Variants in RABEPK observed in about 807,000 individuals in gnomAD.
RABEPK encodes the protein 40 kDa Rab9 effector protein.
Under a neutral mutation model 34.1 loss-of-function variants are expected in RABEPK, and 27 were observed. The observed-to-expected ratio is 0.79, with a 90% confidence interval of 0.58 to 1.09. The LOEUF (loss-of-function observed/expected upper bound fraction) is 1.09. RABEPK is among the 50% of genes least tolerant of loss of function. RABEPK has a pLI of 0.00. For missense variants in RABEPK, 449 were observed against 462.6 expected, an observed-to-expected ratio of 0.97 and a Z score of 0.27; for synonymous variants, 172 against 169.2, an observed-to-expected ratio of 1.02 and a Z score of -0.13.
In RABEPK at chr9:125,227,947, T is replaced by A; in HGVS notation, c.564T>A (p.Asn188Lys). 1 of 1,607,512 alleles carries A rather than the reference T, an allele frequency of 6.2e-7. No homozygotes were observed. The highest frequency in any genetic ancestry group is 8.5e-7 in the Non-Finnish European group (1 of 1,176,412). ...LTWSQPETLG[N>K]PPSPRHGHVM... Reference sequence around the variant, plus strand: ...GGTCACAGCCAGAGACACTTGGAAATCCTCCATCTCCCCGGCATGGTCATG... The same window carrying A: ...GGTCACAGCCAGAGACACTTGGAAAACCTCCATCTCCCCGGCATGGTCATG... Residue 188 changes from asparagine (N) to lysine (K), a missense_variant, in exon 6 of 8, where the codon AAT (asparagine) becomes AAA (lysine). Coordinates refer to ENST00000373538, the MANE Select transcript of RABEPK (RefSeq NM_005833.4).
chr9:125,228,100 T>C (rs1831897743), intron 6 of RABEPK, 41 bp downstream of exon 6: 5 of 1,319,902 alleles, frequency 3.8e-6, no homozygotes, highest in Non-Finnish European at 3.9e-6. Context: ...AAATTGTTAT[T>C]TTTATTTATT....
At chr9:125,220,473 C>T (rs1831245302) in intron 4 of RABEPK, 66 bp from the exon 5 acceptor site, 1 of 1,538,148 alleles carries the variant, frequency 6.5e-7, no homozygotes. Context: ...TTCACTCAGC[C>T]CCAGAGTCAA....
chr9:125,203,104 T>G, intron 2 of RABEPK, 38 bp downstream of exon 2: 1 of 1,571,782 alleles, frequency 6.4e-7, no homozygotes, highest in Non-Finnish European at 8.7e-7. Flanking sequence ...AAAGCATGAG[T>G]TTTTGTTTCA....
At chr9:125,211,982 AT>A (rs1332811137) in intron 3 of RABEPK, among the ~76,000 whole-genome samples, 1 of 152,112 alleles carries the variant, frequency 6.6e-6, no homozygotes, top group Non-Finnish European at 1.5e-5. Flanking sequence ...AAAAAAAAAA[AT>A]TCAAAGGTAA....
chr9:125,215,280 G>T (rs1205441822), intron 4 of RABEPK, among the ~76,000 whole-genome samples: 1 of 58,236 alleles, frequency 1.7e-5, no homozygotes, highest in Admixed American at 1.8e-4. Flanking sequence ...AATATCATTT[G>T]TTTGTTTTTT....
chr9:125,206,610 C>A (rs886187779), intron 2 of RABEPK, among the ~76,000 whole-genome samples: 1 of 152,136 alleles, frequency 6.6e-6, no homozygotes, highest in African/African-American at 2.4e-5. Flanking sequence ...TCTGGAAAAG[C>A]TCTGAAATCA....
intron 3 of RABEPK, among the ~76,000 whole-genome samples, chr9:125,210,846 T>G (rs1211340865): frequency 3.3e-5 from 5 of 150,020 alleles, no homozygotes; most frequent in South Asian, 4.2e-4. Context: ...TAAGTTTTGT[T>G]TTTTTTTTTG....
At chr9:125,231,287 C>G (rs531802336) in intron 6 of RABEPK, among the ~76,000 whole-genome samples, 2 of 151,260 alleles carry the variant, frequency 1.3e-5, no homozygotes, top group Admixed American at 6.6e-5. Flanking sequence ...GAGTGAGACT[C>G]TGTCTCAAAA....
At chr9:125,208,606 G>T (rs1292274232) in intron 3 of RABEPK, among the ~76,000 whole-genome samples, 1 of 150,974 alleles carries the variant, frequency 6.6e-6, no homozygotes, top group East Asian at 2.0e-4. Context: ...CACGACCTCA[G>T]CTGACCGCAA....
chr9:125,210,839 G>GTTTTTTT (rs201607797), intron 3 of RABEPK, among the ~76,000 whole-genome samples: 1 of 135,478 alleles, frequency 7.4e-6, no homozygotes, highest in Non-Finnish European at 1.5e-5. Flanking sequence ...TTAATCTTAA[G>GTTTTTTT]TTTTGTTTTT....
rs544591961 is a variant in RABEPK at position 125,200,554 on chromosome 9, C to A, written c.-359C>A. 3 of 384,044 alleles carry A rather than the reference C, an allele frequency of 7.8e-6. No homozygotes were observed. In the East Asian group the frequency reaches 2.2e-4, roughly 29 times the overall value. 23.8% of individuals were successfully genotyped at this position (384,044 alleles called of 1,614,324 possible). On this transcript the variant is annotated 5_prime_UTR_variant, in exon 1 of 8. Coordinates refer to ENST00000373538, the MANE Select transcript of RABEPK (RefSeq NM_005833.4). The stretch of plus-strand genomic sequence containing the variant: ...GCCCCTCCGGGGTGGAGTCACGGCT[C>A]GCGACTGGCCTAAGTCGCCGCAGGT...
intron 3 of RABEPK, among the ~76,000 whole-genome samples, chr9:125,208,127 C>CA (rs1282226990): frequency 5.4e-5 from 8 of 149,084 alleles, no homozygotes; most frequent in East Asian, 2.0e-4. Flanking sequence ...GACTCTGTCT[C>CA]AAAAAAAAAG....
At chr9:125,220,001 TTTC>T (rs1434950368) in intron 4 of RABEPK, among the ~76,000 whole-genome samples, 1 of 151,740 alleles carries the variant, frequency 6.6e-6, no homozygotes, top group African/African-American at 2.4e-5. Flanking sequence ...ACCTCTTTTT[TTTC>T]TTCTTTTTTT....
chr9:125,230,130 A>AT (rs1380410357), intron 6 of RABEPK, among the ~76,000 whole-genome samples: 1 of 151,912 alleles, frequency 6.6e-6, no homozygotes, highest in Non-Finnish European at 1.5e-5. Flanking sequence ...CACCCAGATA[A>AT]TTTTTTTATT....
chr9:125,220,245 G>T (rs572381183), intron 4 of RABEPK: 20 of 1,243,046 alleles, frequency 1.6e-5, no homozygotes, highest in Non-Finnish European at 2.0e-5. Context: ...CAAGTGATCC[G>T]CCCGCCTTGG....
At chr9:125,221,279 C>A (rs1360594324) in intron 5 of RABEPK, 1 of 152,024 alleles carries the variant, frequency 6.6e-6, no homozygotes, top group African/African-American at 2.4e-5. Flanking sequence ...GGAGGATCAC[C>A]TGAGGTCAGG....
At chr9:125,215,978 A>G (rs1373403551) in intron 4 of RABEPK, among the ~76,000 whole-genome samples, 2 of 152,320 alleles carry the variant, frequency 1.3e-5, no homozygotes, top group East Asian at 1.9e-4. Context: ...TTGATAGGCA[A>G]AAAAACTTGT....
intron 3 of RABEPK, among the ~76,000 whole-genome samples, chr9:125,209,074 T>A (rs1830425937): frequency 6.6e-6 from 1 of 151,324 alleles, no homozygotes; most frequent in Non-Finnish European, 1.5e-5. Flanking sequence ...TTTTTTTTTT[T>A]TGAGACCAAG....
intron 5 of RABEPK, chr9:125,222,124 G>A (rs1425982081): frequency 6.6e-6 from 1 of 150,984 alleles, no homozygotes; most frequent in Non-Finnish European, 1.5e-5. Context: ...AAGTAAAATT[G>A]GGAAAATTAA....
Sources: gnomAD v4.1 joint callset for allele counts (sites outside exome capture counted in the v4.1 genomes callset) on GRCh38, gnomAD v4.1.1 for gene constraint, MANE v1.5 for transcripts, NCBI Gene and HGNC (gene_info 2026-07-23, HGNC 2026-07-21) for gene names.